PCDHA8: variants seen among roughly 807,000 people sequenced by gnomAD.
PCDHA8 encodes protocadherin alpha 8.
A neutral mutation model predicts 61.8 loss-of-function variants in PCDHA8; 53 were observed. That is an observed-to-expected ratio of 0.86 (90% CI 0.69 to 1.08). The LOEUF is 1.08. PCDHA8 is among the 50% of genes least tolerant of loss of function. PCDHA8 has a pLI of 0.00. For missense variants in PCDHA8, 1,293 were observed against 1,245.0 expected (o/e 1.04, Z -0.58); for synonymous variants, 618 against 556.6 (o/e 1.11, Z -1.55).
chr5:140,887,222 G>A (rs1406254180), intron 1 of PCDHA8, among the ~76,000 whole-genome samples: 1 of 151,284 alleles, frequency 6.6e-6, no homozygotes, highest in Non-Finnish European at 1.5e-5. Flanking sequence ...TCAGCCTCCC[G>A]AGTAGCTGAG....
chr5:140,889,639 G>A (rs1271182789), intron 1 of PCDHA8, among the ~76,000 whole-genome samples: 1 of 151,770 alleles, frequency 6.6e-6, no homozygotes, highest in Non-Finnish European at 1.5e-5. Flanking sequence ...TTTCATTTGT[G>A]TTTGCAGGAG....
At chr5:140,967,588 A>G (rs782208520) in intron 1 of PCDHA8, 7 of 1,614,116 alleles carry the variant, frequency 4.3e-6, no homozygotes, top group Non-Finnish European at 5.1e-6. Flanking sequence ...CCCCAGGCAC[A>G]TTGGTGGTGA....
At chr5:140,851,741 G>A in intron 1 of PCDHA8, 1 of 972,212 alleles carries the variant, frequency 1.0e-6, no homozygotes, top group Non-Finnish European at 1.2e-6. Context: ...TTGAAATTCA[G>A]AGTCTGTAAC....
intron 1 of PCDHA8, chr5:140,884,619 A>G (rs782146160): frequency 3.1e-6 from 5 of 1,614,074 alleles, no homozygotes; most frequent in Non-Finnish European, 4.2e-6. Context: ...GGTTCTGCAG[A>G]GGGAACAGGC....
intron 1 of PCDHA8, among the ~76,000 whole-genome samples, chr5:140,976,972 C>T (rs969505831): frequency 2.6e-5 from 4 of 152,182 alleles, no homozygotes; most frequent in Non-Finnish European, 5.9e-5. Flanking sequence ...TTCCTTTTCC[C>T]TGCCTGATCT....
intron 1 of PCDHA8, among the ~76,000 whole-genome samples, chr5:140,920,387 A>C (rs1163833842): frequency 6.6e-6 from 1 of 152,216 alleles, no homozygotes; most frequent in East Asian, 1.9e-4. Flanking sequence ...TCATATTACC[A>C]TCTGGTGTCT....
intron 1 of PCDHA8, among the ~76,000 whole-genome samples, chr5:140,970,706 A>G (rs1266484266): frequency 6.6e-6 from 1 of 152,224 alleles, no homozygotes; most frequent in Non-Finnish European, 1.5e-5. Context: ...CTACTACACA[A>G]TGTGTGAACA....
At chr5:140,884,295 C>G in intron 1 of PCDHA8, 1 of 1,613,680 alleles carries the variant, frequency 6.2e-7, no homozygotes, top group Non-Finnish European at 8.5e-7. Flanking sequence ...GGCCAAGCGC[C>G]ACAGGCTTCG....
intron 1 of PCDHA8, chr5:140,877,080 C>A (rs113692468): frequency 9.9e-6 from 16 of 1,612,944 alleles, no homozygotes; most frequent in Non-Finnish European, 1.4e-5. Flanking sequence ...TCCAGGTGAG[C>A]GCGCGCGACG....
Position 140,841,345 on chromosome 5 carries a change from G to A in PCDHA8, c.24G>A (p.Glu8=). The A allele has an allele frequency of 1.2e-6, 2 of 1,612,666 alleles. No individual in the cohort carries two copies. Among genetic ancestry groups the A allele is most frequent in the East Asian group, 2.2e-5 (1 of 44,840 alleles). The change falls in exon 1 of 4, where the codon GAG becomes GAA. Residue 8 remains glutamate, a synonymous_variant. Transcript: ENST00000531613. MDYHWRG[E]LGSWRLLLLL... ...ACATGGATTATCACTGGCGAGGAGA[G>A]CTGGGATCCTGGCGACTACTACTCT... is the stretch of plus-strand genomic sequence containing the variant.
At chr5:140,989,317 C>G (rs184467267) in intron 3 of PCDHA8, among the ~76,000 whole-genome samples, 2 of 152,126 alleles carry the variant, frequency 1.3e-5, no homozygotes, top group Non-Finnish European at 2.9e-5. Context: ...TAGGGTCTCA[C>G]CAACTTTGCC....
Position 140,843,457 on chromosome 5 carries a change from G to A in PCDHA8, c.2136G>A (p.Val712=). 6.3e-7 allele frequency: 1 copy of A among 1,596,058 alleles called. No individual in the cohort carries two copies. The highest frequency in any genetic ancestry group is 1.1e-5 in the South Asian group (1 of 90,492). Residue 712 remains valine (V), a synonymous_variant, in exon 1 of 4, where the codon GTG becomes GTA. Coordinates refer to ENST00000531613, the MANE Select transcript of PCDHA8 (RefSeq NM_018911.3). The part of the protein sequence containing the change: ...IAICAVSSLL[V]LTLLLYTALR... ...TCTGCGCGGTATCCAGCCTGCTGGT[G>A]CTCACGCTGCTGCTGTACACTGCGC...
intron 3 of PCDHA8, among the ~76,000 whole-genome samples, chr5:141,004,400 G>A (rs183932833): frequency 7.4e-4 from 113 of 152,304 alleles, no homozygotes; most frequent in African/African-American, 2.7e-3. Flanking sequence ...TGTGGAGGAG[G>A]CACCTGACTA....
At chr5:140,964,509 C>T (rs552530683) in intron 1 of PCDHA8, among the ~76,000 whole-genome samples, 1 of 152,258 alleles carries the variant, frequency 6.6e-6, no homozygotes, top group Non-Finnish European at 1.5e-5. Flanking sequence ...GGTCAATACC[C>T]AGTGGCCAGG....
At chr5:140,850,197 C>T (rs2150472731) in intron 1 of PCDHA8, 3 of 1,593,590 alleles carry the variant, frequency 1.9e-6, no homozygotes, top group Admixed American at 1.7e-5. Flanking sequence ...GCTGCTGACA[C>T]CTCGGATGAG....
At chr5:140,959,611 C>T (rs2095501064) in intron 1 of PCDHA8, among the ~76,000 whole-genome samples, 1 of 151,848 alleles carries the variant, frequency 6.6e-6, no homozygotes, top group Non-Finnish European at 1.5e-5. Context: ...GCTTTTCTTG[C>T]TTGTGATAGA....
In PCDHA8 at chr5:140,841,823, T is replaced by C. The variant is rs1554138571; in HGVS notation, c.502T>C (p.Leu168=). ...SDADVGANSV[L]TYRLSSHDYF... is the part of the protein sequence containing the mutation. Reference sequence around the variant, plus strand: ...TGCAGATGTTGGAGCTAACTCCGTGTTAACCTACAGGCTTAGCTCTCATGA... The same window carrying C: ...TGCAGATGTTGGAGCTAACTCCGTGCTAACCTACAGGCTTAGCTCTCATGA... Residue 168 remains leucine, a synonymous_variant, in exon 1 of 4, where the codon TTA becomes CTA. Transcript: ENST00000531613. 1.9e-6 allele frequency: 3 copies of C among 1,613,930 alleles called. No homozygotes were observed. Among genetic ancestry groups the C allele is most frequent in the Non-Finnish European group, 2.5e-6 (3 of 1,179,862 alleles).
chr5:140,929,646 A>G (rs868995130), intron 1 of PCDHA8: 1 of 365,824 alleles, frequency 2.7e-6, no homozygotes, highest in Non-Finnish European at 5.0e-6. Flanking sequence ...TGTGTAAGGC[A>G]CTCTAATATT....
chr5:140,881,335 C>T (rs2153378731), intron 1 of PCDHA8: 2 of 984,916 alleles, frequency 2.0e-6, no homozygotes, highest in South Asian at 4.7e-5. Context: ...ACCAGGACGC[C>T]GATTCGGGCT....
Sources: gnomAD v4.1 joint callset for allele counts (sites outside exome capture counted in the v4.1 genomes callset) on GRCh38, gnomAD v4.1.1 for gene constraint, MANE v1.5 for transcripts, NCBI Gene and HGNC (gene_info 2026-07-23, HGNC 2026-07-21) for gene names.